Variants in CACHD1 observed in about 807,000 individuals in gnomAD.
CACHD1 encodes the protein VWFA and cache domain-containing protein 1.
CACHD1 carries 71 observed loss-of-function variants against 138.7 expected under a neutral mutation model. The ratio of observed to expected loss-of-function variants is 0.51; its 90% confidence interval spans 0.42 to 0.62. The LOEUF (loss-of-function observed/expected upper bound fraction) is 0.62. CACHD1 is among the 20% of genes least tolerant of loss of function. The pLI, the probability that CACHD1 is intolerant of heterozygous loss-of-function variation, is 0.00. For missense variants in CACHD1, 1,389 were observed against 1,625.3 expected (o/e 0.85, Z 2.50); for synonymous variants, 578 against 591.5 (o/e 0.98, Z 0.33).
intron 12 of CACHD1, among the ~76,000 whole-genome samples, chr1:64,655,784 C>A (rs1649242081): frequency 6.6e-6 from 1 of 152,128 alleles, no homozygotes; most frequent in Admixed American, 6.6e-5. Flanking sequence ...TATAACTGAC[C>A]AAAAGGGGAG....
chr1:64,634,874 T>C (rs1648457813), intron 7 of CACHD1, among the ~76,000 whole-genome samples: 1 of 151,256 alleles, frequency 6.6e-6, no homozygotes, highest in African/African-American at 2.4e-5. Context: ...TGGTTGCCTG[T>C]AGTCCCAGCT....
chr1:64,530,793 C>T (rs1157873855), intron 1 of CACHD1, among the ~76,000 whole-genome samples: 1 of 151,652 alleles, frequency 6.6e-6, no homozygotes, highest in Non-Finnish European at 1.5e-5. Context: ...ATCACTTGAA[C>T]CCAGGAGGTG....
chr1:64,535,413 C>A (rs901856045), intron 1 of CACHD1, among the ~76,000 whole-genome samples: 3 of 151,474 alleles, frequency 2.0e-5, no homozygotes. Context: ...GCAACCTCTG[C>A]CTCCTGGGTT....
At chr1:64,623,040 G>C (rs1303228306) in intron 4 of CACHD1, among the ~76,000 whole-genome samples, 1 of 152,116 alleles carries the variant, frequency 6.6e-6, no homozygotes, top group Non-Finnish European at 1.5e-5. Context: ...GAGTGTCTAG[G>C]TTTTAAGACA....
chr1:64,653,386 T>TAAAAAAAAAA (rs60661882), intron 10 of CACHD1, among the ~76,000 whole-genome samples: 22 of 108,440 alleles, frequency 2.0e-4, no homozygotes, highest in East Asian at 2.4e-4. Context: ...TAAAAGAAGT[T>TAAAAAAAAAA]AAAAAAAAAA....
intron 3 of CACHD1, among the ~76,000 whole-genome samples, chr1:64,594,024 C>A (rs1003819433): frequency 6.6e-6 from 1 of 151,926 alleles, no homozygotes; most frequent in African/African-American, 2.4e-5. Flanking sequence ...GAGGCCGAGG[C>A]GTGGGGATCA....
chr1:64,588,750 G>A (rs780155039), intron 3 of CACHD1, among the ~76,000 whole-genome samples: 8 of 152,112 alleles, frequency 5.3e-5, no homozygotes, highest in African/African-American at 1.4e-4. Context: ...TTCTATAGAC[G>A]TTACTACCTG....
chr1:64,514,112 C>T (rs760870613), intron 1 of CACHD1, among the ~76,000 whole-genome samples: 1 of 152,162 alleles, frequency 6.6e-6, no homozygotes, highest in Non-Finnish European at 1.5e-5. Context: ...TTTACTTTCT[C>T]TGTTTGAACC....
chr1:64,536,871 T>C (rs1046730029), intron 1 of CACHD1, among the ~76,000 whole-genome samples: 4 of 152,140 alleles, frequency 2.6e-5, no homozygotes, highest in Non-Finnish European at 5.9e-5. Flanking sequence ...ACCTAATAGG[T>C]GGCTATGATA....
intron 3 of CACHD1, among the ~76,000 whole-genome samples, chr1:64,595,682 G>T (rs1026836065): frequency 1.3e-5 from 2 of 152,176 alleles, no homozygotes. Context: ...GATGTCACCT[G>T]TGCAATTTTC....
rs539425489 is a variant in CACHD1 at position 64,503,300 on chromosome 1, T to A, written c.198+32358T>A. Among the ~76,000 whole-genome samples the A allele has an allele frequency of 5.8e-4, 88 of 152,306 alleles. 1 individual carries two copies. The highest frequency in any genetic ancestry group is 1.1e-3 in the Non-Finnish European group (77 of 68,024). ...ATAAAACACTCCAAGGACATTGAAA[T>A]TGAATAATGCCTTTAGTTAAGGGGA... On this transcript the variant is annotated intron_variant, in intron 1 of 26. Coordinates refer to ENST00000651257, the MANE Select transcript of CACHD1 (RefSeq NM_020925.4).
At chr1:64,505,198 TG>T (rs1336540760) in intron 1 of CACHD1, among the ~76,000 whole-genome samples, 1 of 152,156 alleles carries the variant, frequency 6.6e-6, no homozygotes, top group African/African-American at 2.4e-5. Context: ...GAACTGCTTT[TG>T]TTTTCCCAAG....
Position 64,634,110 on chromosome 1 carries a change from T to C in CACHD1, c.856T>C (p.Leu286=). 1.2e-6 allele frequency: 2 copies of C among 1,613,822 alleles called. No individual in the cohort carries two copies. The highest frequency in any genetic ancestry group is 2.2e-5 in the South Asian group (2 of 91,062). ...CSLDQCYKTF[L]SPATSETKRK... ...ACTAGACCAGTGCTATAAGACCTTCTTGTCTCCAGCCACCAGTGAGACAAA... is the reference window on the plus strand; with the variant it reads ...ACTAGACCAGTGCTATAAGACCTTCCTGTCTCCAGCCACCAGTGAGACAAA... The change falls in exon 7 of 27, where the codon TTG becomes CTG. Residue 286 remains leucine (L), a synonymous_variant. Transcript: ENST00000651257.
At chr1:64,630,184 C>G (rs927259639) in intron 5 of CACHD1, among the ~76,000 whole-genome samples, 1 of 152,042 alleles carries the variant, frequency 6.6e-6, no homozygotes, top group Non-Finnish European at 1.5e-5. Context: ...AGGGCACCCA[C>G]TTTTCACACC....
At chr1:64,494,813 A>G (rs1300401049) in intron 1 of CACHD1, among the ~76,000 whole-genome samples, 2 of 152,204 alleles carry the variant, frequency 1.3e-5, no homozygotes, top group African/African-American at 4.8e-5. Flanking sequence ...TTCTATTTCT[A>G]ATGCAGATAG....
At chr1:64,605,619 A>G (rs1310467135) in intron 4 of CACHD1, among the ~76,000 whole-genome samples, 2 of 152,106 alleles carry the variant, frequency 1.3e-5, no homozygotes, top group Non-Finnish European at 2.9e-5. Flanking sequence ...GGACAGTAGG[A>G]AAGGGCAGGC....
chr1:64,664,443 T>A, intron 14 of CACHD1, 55 bp from the exon 15 acceptor site: 1 of 1,546,122 alleles, frequency 6.5e-7, no homozygotes. Context: ...AGCAGCCCAC[T>A]CTCTTTTCAT....
chr1:64,645,806 G>C (rs1648882449), intron 8 of CACHD1, among the ~76,000 whole-genome samples: 1 of 152,214 alleles, frequency 6.6e-6, no homozygotes, highest in Non-Finnish European at 1.5e-5. Context: ...GCTGAACACA[G>C]AGAAGAGTAG....
At chr1:64,627,665 C>T (rs1448292098) in intron 4 of CACHD1, among the ~76,000 whole-genome samples, 1 of 152,160 alleles carries the variant, frequency 6.6e-6, no homozygotes, top group Non-Finnish European at 1.5e-5. Flanking sequence ...CCTGATGCTA[C>T]ATATGGTATA....
Sources: allele counts gnomAD v4.1 joint callset (sites outside exome capture counted in the v4.1 genomes callset), GRCh38; gene constraint gnomAD v4.1.1; transcripts MANE v1.5; gene names NCBI Gene and HGNC (gene_info 2026-07-23, HGNC 2026-07-21).